BLTP3B: variants seen among roughly 807,000 people sequenced by gnomAD.
The protein encoded by BLTP3B is bridge-like lipid transfer protein family member 3B.
At chr12:100,138,113 A>G in the BLTP3B span, among the ~76,000 whole-genome samples, 2 of 152,150 alleles carry the variant, frequency 1.3e-5, no homozygotes, top group Admixed American at 1.3e-4. Context: ...ACATCCTACA[A>G]TGCACAGAAC....
At chr12:100,104,087 T>G in the BLTP3B span, 1 of 526,006 alleles carries the variant, frequency 1.9e-6, no homozygotes, top group Non-Finnish European at 3.1e-6. Context: ...AACTACAAAA[T>G]AAACTAAGCA....
the BLTP3B span, among the ~76,000 whole-genome samples, chr12:100,125,332 T>G: frequency 2.9e-5 from 3 of 104,874 alleles, no homozygotes; most frequent in Admixed American, 3.0e-4. Context: ...CCGGTTTCCA[T>G]CTCAAAAAAA....
chr12:100,091,659 C>G, the BLTP3B span, among the ~76,000 whole-genome samples: 1 of 151,368 alleles, frequency 6.6e-6, no homozygotes, highest in East Asian at 2.0e-4. Context: ...CCCGCCACCA[C>G]GCCCGGCTAA....
chr12:100,113,321 C>T, the BLTP3B span, among the ~76,000 whole-genome samples: 1 of 151,794 alleles, frequency 6.6e-6, no homozygotes, highest in Admixed American at 6.6e-5. Flanking sequence ...ACTAAAAATA[C>T]AGAAAAATTA....
chr12:100,111,857 G>A, the BLTP3B span, among the ~76,000 whole-genome samples: 2 of 152,012 alleles, frequency 1.3e-5, no homozygotes, highest in Non-Finnish European at 2.9e-5. Flanking sequence ...ATCCACCTCG[G>A]CCTCCCAAAG....
At chr12:100,133,787 C>T in the BLTP3B span, among the ~76,000 whole-genome samples, 14 of 152,188 alleles carry the variant, frequency 9.2e-5, no homozygotes, top group Non-Finnish European at 1.3e-4. Flanking sequence ...AAGAGAAAGA[C>T]ACCTGCTATA....
the BLTP3B span, among the ~76,000 whole-genome samples, chr12:100,083,314 T>C: frequency 6.6e-6 from 1 of 152,228 alleles, no homozygotes; most frequent in Non-Finnish European, 1.5e-5. Context: ...GTGATGATTA[T>C]TCTTTTAAGA....
the BLTP3B span, among the ~76,000 whole-genome samples, chr12:100,117,493 C>T: frequency 1.4e-4 from 22 of 152,140 alleles, no homozygotes; most frequent in Admixed American, 9.8e-4. Context: ...GAGGCAGTCT[C>T]GTTCTGTCGC....
the BLTP3B span, among the ~76,000 whole-genome samples, chr12:100,073,289 T>C: frequency 1.3e-5 from 2 of 151,618 alleles, no homozygotes; most frequent in Non-Finnish European, 2.9e-5. Flanking sequence ...TGGAGACAAA[T>C]AATGGTACTG....
chr12:100,072,857 C>T, the BLTP3B span: 3 of 1,541,794 alleles, frequency 1.9e-6, no homozygotes, highest in East Asian at 2.4e-5. Context: ...TGAATAAAAA[C>T]CTTTCCAAAT....
the BLTP3B span, among the ~76,000 whole-genome samples, chr12:100,122,902 G>A: frequency 2.0e-5 from 3 of 152,170 alleles, no homozygotes; most frequent in Non-Finnish European, 4.4e-5. Context: ...GAGAACAGTT[G>A]GACATGCAGC....
chr12:100,070,069 C>G, the BLTP3B span: 1 of 1,428,576 alleles, frequency 7.0e-7, no homozygotes, highest in East Asian at 2.7e-5. Flanking sequence ...ATTTACAAGA[C>G]AATGCTTGAG....
At chr12:100,051,382 C>A in the BLTP3B span, 1 of 559,936 alleles carries the variant, frequency 1.8e-6, no homozygotes, top group African/African-American at 1.9e-5. Flanking sequence ...AATTAGTTAG[C>A]AAACAATGAA....
At chr12:100,054,455 ATTAT>A in the BLTP3B span, among the ~76,000 whole-genome samples, 17 of 152,290 alleles carry the variant, frequency 1.1e-4, no homozygotes, top group African/African-American at 3.4e-4. Context: ...ACTTTTACTT[ATTAT>A]TTAATTATTA....
chr12:100,139,700 T>A, the BLTP3B span, among the ~76,000 whole-genome samples: 1 of 152,250 alleles, frequency 6.6e-6, no homozygotes. Flanking sequence ...TCATGTTATG[T>A]ATCCACATTC....
the BLTP3B span, chr12:100,095,965 T>C: frequency 4.1e-6 from 4 of 967,732 alleles, no homozygotes; most frequent in Non-Finnish European, 5.8e-6. Context: ...CAAGAAGTAT[T>C]TACTGGCCGG....
the BLTP3B span, chr12:100,059,873 G>T: frequency 6.2e-7 from 1 of 1,610,748 alleles, no homozygotes; most frequent in South Asian, 1.1e-5. Context: ...CCATCAACTC[G>T]AACATCAACA....
At chr12:100,102,771 T>C in the BLTP3B span, 3 of 1,605,746 alleles carry the variant, frequency 1.9e-6, no homozygotes, top group Non-Finnish European at 2.6e-6. Context: ...CTTACCTTTG[T>C]CCTGAAGCAG....
the BLTP3B span, chr12:100,095,736 T>C: frequency 2.5e-6 from 4 of 1,613,700 alleles, no homozygotes; most frequent in Admixed American, 1.7e-5. Flanking sequence ...TAAGAGACTT[T>C]GCATATTGTA....
Sources: allele counts gnomAD v4.1 joint callset (sites outside exome capture counted in the v4.1 genomes callset), GRCh38; gene constraint gnomAD v4.1.1; transcripts MANE v1.5; gene names NCBI Gene and HGNC (gene_info 2026-07-23, HGNC 2026-07-21).